The following TBCE variants were observed in gnomAD, a reference collection of about 807,000 sequenced individuals.
The protein encoded by TBCE is tubulin folding cofactor E.
Under a neutral mutation model 77.0 loss-of-function variants are expected in TBCE, and 53 were observed. The observed-to-expected ratio is 0.69, with a 90% CI of 0.55 to 0.87. The LOEUF (loss-of-function observed/expected upper bound fraction) is 0.87. Among genes scored for constraint, TBCE ranks in the 40% least tolerant of loss-of-function variants. TBCE has a pLI of 0.00. For synonymous variants in TBCE, 235 were observed against 241.3 expected (o/e 0.97, Z 0.24); for missense variants, 624 against 622.4 (o/e 1.00, Z -0.03).
intron 3 of TBCE, among the ~76,000 whole-genome samples, chr1:235,402,443 G>A (rs1301392554): frequency 1.2e-4 from 18 of 152,052 alleles, no homozygotes; most frequent in Admixed American, 1.2e-3. Flanking sequence ...GTGCTGGGGA[G>A]CCTTCAGGCA....
intron 15 of TBCE, among the ~76,000 whole-genome samples, chr1:235,447,396 C>A (rs777706647): frequency 2.6e-5 from 4 of 152,182 alleles, no homozygotes. Context: ...ATCAAAATAT[C>A]CACTATTTAC....
rs1396957640 is a variant in TBCE, at chr1:235,449,850, C to CT, written c.*1088_*1089insT. 1 of 190,256 alleles carries CT rather than the reference C, an allele frequency of 5.3e-6. No individual in the cohort carries two copies. Among genetic ancestry groups the CT allele is most frequent in the Non-Finnish European group, 1.1e-5 (1 of 90,302 alleles). 11.8% of individuals were successfully genotyped at this position (190,256 alleles called of 1,614,324 possible). On this transcript the variant is annotated 3_prime_UTR_variant, in exon 17 of 17. Coordinates refer to ENST00000642610, the MANE Select transcript of TBCE (RefSeq NM_003193.5). ...AAATTCAAACTCTCAGTTACTACTACAGATTTCTGAACTAGGCCAAGTTTT... is the reference window on the plus strand; with the variant it reads ...AAATTCAAACTCTCAGTTACTACTACTAGATTTCTGAACTAGGCCAAGTTTT...
chr1:235,376,100 T>G (rs558232005), intron 1 of TBCE, among the ~76,000 whole-genome samples: 1 of 152,052 alleles, frequency 6.6e-6, no homozygotes, highest in Non-Finnish European at 1.5e-5. Context: ...TTACTGACCT[T>G]AGACCTTATA....
At chr1:235,428,013 G>A (rs1680828402) in intron 6 of TBCE, among the ~76,000 whole-genome samples, 1 of 151,546 alleles carries the variant, frequency 6.6e-6, no homozygotes, top group South Asian at 2.1e-4. Context: ...CTGGGTGATA[G>A]AGCAAGACTC....
chr1:235,448,888 C>T lies in TBCE; in HGVS notation c.*126C>T. The T allele has an allele frequency of 1.3e-6, 1 of 751,546 alleles. No individual in the cohort carries two copies. The highest frequency in any genetic ancestry group is 2.3e-6 in the Non-Finnish European group (1 of 433,178). 46.6% of individuals were successfully genotyped at this position (751,546 alleles called of 1,614,324 possible). A position where few individuals can be genotyped will look rare whatever the true frequency, so the allele number is the denominator to read the frequency against. The stretch of plus-strand genomic sequence containing the variant: ...GGTTTACAACTTGTCCTAAGTATAA[C>T]AAGGGATGTATTTTTTGTTGGGAAG... On this transcript the variant is annotated 3_prime_UTR_variant, in exon 17 of 17. Coordinates refer to ENST00000642610, the MANE Select transcript of TBCE (RefSeq NM_003193.5).
intron 13 of TBCE, chr1:235,441,339 C>T (rs1427432161): frequency 3.7e-5 from 8 of 214,996 alleles, no homozygotes; most frequent in South Asian, 7.7e-5. Context: ...TGGCACTGCA[C>T]GGTCTGGTGG....
intron 4 of TBCE, among the ~76,000 whole-genome samples, chr1:235,417,396 A>T (rs977189776): frequency 6.6e-6 from 1 of 152,238 alleles, no homozygotes; most frequent in African/African-American, 2.4e-5. Flanking sequence ...CTTTTGGGCA[A>T]TTGCCGCGAT....
chr1:235,421,186 T>C (rs1442006630), intron 5 of TBCE, among the ~76,000 whole-genome samples: 1 of 152,136 alleles, frequency 6.6e-6, no homozygotes, highest in Non-Finnish European at 1.5e-5. Context: ...ATTGGGAGGC[T>C]GAGACTGGAG....
intron 1 of TBCE, among the ~76,000 whole-genome samples, chr1:235,368,085 T>TA (rs1047033838): frequency 3.3e-5 from 5 of 152,288 alleles, no homozygotes; most frequent in African/African-American, 7.2e-5. Flanking sequence ...TTTGTATTTT[T>TA]AGTAGAGACA....
intron 1 of TBCE, among the ~76,000 whole-genome samples, chr1:235,370,638 G>A (rs1676864527): frequency 6.6e-6 from 1 of 150,694 alleles, no homozygotes; most frequent in Non-Finnish European, 1.5e-5. Context: ...AATAGTATCT[G>A]GCTTTTAGCA....
At chr1:235,390,434 C>T (rs1174444248) in intron 2 of TBCE, among the ~76,000 whole-genome samples, 1 of 151,920 alleles carries the variant, frequency 6.6e-6, no homozygotes, top group Non-Finnish European at 1.5e-5. Flanking sequence ...CAGTTGGGCT[C>T]AGTGTAATCA....
intron 5 of TBCE, among the ~76,000 whole-genome samples, chr1:235,420,121 CT>C (rs1471145631): frequency 6.6e-6 from 1 of 152,126 alleles, no homozygotes; most frequent in African/African-American, 2.4e-5. Flanking sequence ...TGGCCTCTGC[CT>C]TTTGCCTGTT....
At position 235,448,825 on chromosome 1, in the gene TBCE, A is replaced by ATGAT; in HGVS notation, c.*65_*68dup. 2.5e-6 allele frequency: 3 copies of ATGAT among 1,189,608 alleles called. No homozygotes were observed. The South Asian group carries it at 3.7e-5, about 15-fold the overall frequency. The allele number at this position is 1,189,608 out of a possible 1,614,324, so 73.7% of individuals were successfully genotyped here. On this transcript the variant is annotated 3_prime_UTR_variant, in exon 17 of 17. Transcript: ENST00000642610. Reference sequence around the variant, plus strand: ...CGTGTCTGGGGTTCACCGGAAATAAATGATTCACTGGAACAATTCTACTGT... The same window carrying ATGAT: ...CGTGTCTGGGGTTCACCGGAAATAAATGATTGATTCACTGGAACAATTCTACTGT...
rs150925518 is a variant in TBCE, at chr1:235,447,560, T to A, written c.1400-789T>A. ...AGAATGGCGGCGCTGGAAGGGACCT[T>A]GTAGATCATTTAGTTGGCACCCTAA... On this transcript the variant is annotated intron_variant, in intron 15 of 16. Coordinates refer to ENST00000642610, the MANE Select transcript of TBCE (RefSeq NM_003193.5). Among the ~76,000 whole-genome samples the A allele has an allele frequency of 1.5e-4, 23 of 152,236 alleles. No individual in the cohort carries two copies. In the East Asian group the frequency reaches 4.2e-3, roughly 28 times the overall value.
At chr1:235,399,707 A>T (rs570001895) in intron 2 of TBCE, among the ~76,000 whole-genome samples, 94 of 152,296 alleles carry the variant, frequency 6.2e-4, no homozygotes, top group African/African-American at 2.1e-3. Context: ...TGTTTTCCTG[A>T]GTTCTGTGAG....
intron 8 of TBCE, among the ~76,000 whole-genome samples, chr1:235,434,835 T>C (rs934517526): frequency 4.6e-5 from 7 of 152,046 alleles, no homozygotes; most frequent in African/African-American, 1.7e-4. Flanking sequence ...TAAATGGAAG[T>C]TCTGTAGGAT....
chr1:235,388,509 G>A lies in TBCE; in HGVS notation c.100+8360G>A, dbSNP rs181595055. On this transcript the variant is annotated intron_variant, in intron 2 of 16. Transcript: ENST00000642610. ...TCACCATGTTGGCCAGGCTGGTCTC[G>A]AACTCCTGACCTTAGGTGATCTGCC... Among the ~76,000 whole-genome samples the A allele has an allele frequency of 2.4e-3, 364 of 152,032 alleles. 1 individual carries two copies. The highest frequency in any genetic ancestry group is 5.0e-3 in the Admixed American group (76 of 15,250).
At position 235,449,986 on chromosome 1, in the gene TBCE, T is replaced by C. The variant is rs1246218390; in HGVS notation, c.*1224T>C. 1 of 413,260 alleles carries C rather than the reference T, an allele frequency of 2.4e-6. No homozygotes were observed. Among genetic ancestry groups the C allele is most frequent in the Non-Finnish European group, 4.2e-6 (1 of 235,822 alleles). The allele number at this position is 413,260 out of a possible 1,614,324, so 25.6% of individuals were successfully genotyped here. ...TGGTATTTTTCTGATAATCTTCCAA[T>C]AGATAAATAAAAACTTTTCTTATGC... On this transcript the variant is annotated 3_prime_UTR_variant, in exon 17 of 17. Transcript: ENST00000642610.
chr1:235,373,133 C>T (rs1324748072), intron 1 of TBCE, among the ~76,000 whole-genome samples: 1 of 151,532 alleles, frequency 6.6e-6, no homozygotes, highest in Non-Finnish European at 1.5e-5. Flanking sequence ...GAGTTAAAGA[C>T]CAGCCTGGAT....
Sources: allele counts gnomAD v4.1 joint callset (sites outside exome capture counted in the v4.1 genomes callset), GRCh38; gene constraint gnomAD v4.1.1; transcripts MANE v1.5; gene names NCBI Gene and HGNC (gene_info 2026-07-23, HGNC 2026-07-21).